PLS3: variants seen among roughly 807,000 people sequenced by gnomAD.
PLS3 encodes plastin-3.
In PLS3, 11 loss-of-function variants were observed where a neutral mutation model predicts 46.5. That is an observed-to-expected ratio of 0.24 (90% CI 0.15 to 0.39). The LOEUF (loss-of-function observed/expected upper bound fraction) is 0.39. PLS3 is among the 10% of genes least tolerant of loss of function. PLS3 has a pLI of 1.00. For missense variants in PLS3, 308 were observed against 461.8 expected, an observed-to-expected ratio of 0.67 and a Z score of 3.05; for synonymous variants, 167 against 162.2, an observed-to-expected ratio of 1.03 and a Z score of -0.22.
chrX:115,576,689 TG>T (rs200312406), intron 1 of PLS3, among the ~76,000 whole-genome samples: 6,641 of 111,846 alleles, frequency 0.059, 498 homozygotes, highest in African/African-American at 0.2. Flanking sequence ...GCGAAATTTT[TG>T]GGATCCAGTC....
intron 3 of PLS3, 122 bp downstream of exon 3, chrX:115,622,531 C>A: frequency 2.5e-6 from 1 of 396,058 alleles, no homozygotes; most frequent in Non-Finnish European, 4.3e-6. Flanking sequence ...ACTGTTATAA[C>A]ATTTCTGTCA....
rs1225300964 is a variant in PLS3, at chrX:115,650,276, T to C, written c.*715T>C. The C allele has an allele frequency of 8.9e-6, 1 of 111,934 alleles. No homozygotes were observed. Among genetic ancestry groups the C allele is most frequent in the East Asian group, 2.8e-4 (1 of 3,573 alleles). 9.2% of individuals were successfully genotyped at this position (111,934 alleles called of 1,213,427 possible). On this transcript the variant is annotated 3_prime_UTR_variant, in exon 16 of 16. Transcript: ENST00000355899. ...AAGAAAAATGTACCTTAAATTTGCATCTTCCCTCTCATACCCAAGCTGTAA... is the reference window on the plus strand; with the variant it reads ...AAGAAAAATGTACCTTAAATTTGCACCTTCCCTCTCATACCCAAGCTGTAA...
chrX:115,641,529 G>A (rs1439839797), intron 9 of PLS3, among the ~76,000 whole-genome samples: 1 of 110,736 alleles, frequency 9.0e-6, no homozygotes, highest in Non-Finnish European at 1.9e-5. Context: ...GCCTTACGTG[G>A]CTAAACCATT....
chrX:115,590,359 G>A (rs1206767698), intron 1 of PLS3, among the ~76,000 whole-genome samples: 3 of 111,019 alleles, frequency 2.7e-5, no homozygotes, highest in African/African-American at 9.8e-5. Flanking sequence ...TCCCAAACCA[G>A]TGTTCATTAC....
chrX:115,628,950 G>A (rs1057220854), intron 3 of PLS3, among the ~76,000 whole-genome samples: 1 of 111,803 alleles, frequency 8.9e-6, no homozygotes, highest in Non-Finnish European at 1.9e-5. Flanking sequence ...TTGGCTTAAA[G>A]TGAGTTCAAT....
intron 15 of PLS3, 53 bp downstream of exon 15, chrX:115,648,070 A>T: frequency 1.0e-6 from 1 of 957,535 alleles, no homozygotes; most frequent in Non-Finnish European, 1.5e-6. Context: ...AGCTGGACAG[A>T]TCTGAATTCT....
intron 1 of PLS3, among the ~76,000 whole-genome samples, chrX:115,599,160 T>TTTG (rs1556634221): frequency 6.4e-5 from 7 of 109,481 alleles, no homozygotes; most frequent in Admixed American, 2.0e-4. Flanking sequence ...ATGGACCTTC[T>TTTG]CTCTGCAAAG....
At chrX:115,626,852 TC>T (rs2074715894) in intron 3 of PLS3, among the ~76,000 whole-genome samples, 1 of 108,067 alleles carries the variant, frequency 9.3e-6, no homozygotes, top group African/African-American at 3.4e-5. Flanking sequence ...TAATTTATTT[TC>T]CTTTTTTTTT....
In PLS3 at chrX:115,619,474, T is replaced by A. The variant is rs1314117290; in HGVS notation, c.74-2772T>A. On this transcript the variant is annotated intron_variant, in intron 2 of 15. Coordinates refer to ENST00000355899, the MANE Select transcript of PLS3 (RefSeq NM_005032.7). ...AAACAAGAGCCACTAAAATTTTGCC[T>A]CAGTGCCATGGGGATTACTTTGTTC... is the stretch of plus-strand genomic sequence containing the variant. Among the ~76,000 whole-genome samples, 3 of 112,424 alleles carry A rather than the reference T, an allele frequency of 2.7e-5. No homozygotes were observed. The Admixed American group carries it at 2.8e-4, about 11-fold the overall frequency.
chrX:115,594,312 G>A (rs1433321946), intron 1 of PLS3, among the ~76,000 whole-genome samples: 1 of 111,440 alleles, frequency 9.0e-6, no homozygotes, highest in East Asian at 2.8e-4. Context: ...TCTGGCAAAG[G>A]GAAGTATAGC....
chrX:115,642,337 C>G (rs1362382709), intron 9 of PLS3, among the ~76,000 whole-genome samples: 2 of 111,525 alleles, frequency 1.8e-5, no homozygotes, highest in Admixed American at 9.6e-5. Context: ...TTCCACCATT[C>G]TCCCTACGCT....
At chrX:115,575,848 TAGAA>T (rs1239401350) in intron 1 of PLS3, among the ~76,000 whole-genome samples, 1 of 112,162 alleles carries the variant, frequency 8.9e-6, no homozygotes, top group African/African-American at 3.2e-5. Context: ...ACTGGAATAA[TAGAA>T]AGCCTGTAAA....
chrX:115,630,858 AT>A (rs2074761481), intron 5 of PLS3, among the ~76,000 whole-genome samples: 1 of 95,051 alleles, frequency 1.1e-5, no homozygotes, highest in Admixed American at 1.3e-4. Context: ...TAATATATGT[AT>A]ATTATACATG....
rs181575092 is a variant in PLS3 at position 115,593,349 on chromosome X, G to A, written c.-8-16894G>A. Among the ~76,000 whole-genome samples the A allele has an allele frequency of 1.7e-3, 190 of 110,014 alleles. 1 individual carries two copies. The highest frequency in any genetic ancestry group is 4.7e-3 in the Middle Eastern group (1 of 212). On this transcript the variant is annotated intron_variant, in intron 1 of 15. Coordinates refer to ENST00000355899, the MANE Select transcript of PLS3 (RefSeq NM_005032.7). ...ATGATTTTGGGGAAAAAAAAAAAAGGAAGAAGAAAAAAGAAAACTTTTCTC... is the reference window on the plus strand; with the variant it reads ...ATGATTTTGGGGAAAAAAAAAAAAGAAAGAAGAAAAAAGAAAACTTTTCTC...
intron 1 of PLS3, among the ~76,000 whole-genome samples, chrX:115,600,292 A>AT (rs781937984): frequency 0.016 from 1,620 of 99,414 alleles, 35 homozygotes; most frequent in African/African-American, 0.052. Context: ...GGCTGATTTA[A>AT]TTTTTTTTTT....
rs1556641477 is a variant in PLS3 at position 115,644,976 on chromosome X, T to TA, written c.1184-42dup. The TA allele has an allele frequency of 5.0e-6, 4 of 795,672 alleles. No individual in the cohort carries two copies. In the Admixed American group the frequency reaches 8.8e-5, roughly 18 times the overall value. The allele number at this position is 795,672 out of a possible 1,213,427, so 65.6% of individuals were successfully genotyped here. ...TGTATTGGCACTATATGCACATACA[T>TA]AAAGTGTTTAATGAATCAGTAAATT... On this transcript the variant is annotated intron_variant, in intron 10 of 15. Coordinates refer to ENST00000355899, the MANE Select transcript of PLS3 (RefSeq NM_005032.7).
At chrX:115,568,604 T>C (rs1360437307) in intron 1 of PLS3, among the ~76,000 whole-genome samples, 1 of 112,391 alleles carries the variant, frequency 8.9e-6, no homozygotes, top group African/African-American at 3.2e-5. Flanking sequence ...TCAGTAAGCA[T>C]TCTTGATCGA....
intron 1 of PLS3, among the ~76,000 whole-genome samples, chrX:115,570,997 C>G (rs1368187067): frequency 1.9e-5 from 2 of 105,222 alleles, no homozygotes; most frequent in Middle Eastern, 4.9e-3. Flanking sequence ...CGGGTTCATG[C>G]GATTCTCCTG....
At chrX:115,595,816 G>A (rs1603227469) in intron 1 of PLS3, among the ~76,000 whole-genome samples, 1 of 107,408 alleles carries the variant, frequency 9.3e-6, no homozygotes, top group South Asian at 4.2e-4. Context: ...AGCCTCCCGA[G>A]TAGCTGGGAT....
Sources: gnomAD v4.1 joint callset for allele counts (sites outside exome capture counted in the v4.1 genomes callset) on GRCh38, gnomAD v4.1.1 for gene constraint, MANE v1.5 for transcripts, NCBI Gene and HGNC (gene_info 2026-07-23, HGNC 2026-07-21) for gene names.